The following AGPAT3 variants were observed in gnomAD, a reference collection of about 807,000 sequenced individuals.
AGPAT3 encodes the protein 1-acylglycerol-3-phosphate O-acyltransferase 3.
In AGPAT3, 5 loss-of-function variants were observed where a neutral mutation model predicts 47.3. The ratio of observed to expected loss-of-function variants is 0.11; its 90% CI spans 0.06 to 0.22. The LOEUF is 0.22. Ranked by LOEUF, AGPAT3 falls within the 10% of genes least tolerant of loss-of-function variation. The pLI, the probability that AGPAT3 is intolerant of heterozygous loss-of-function variation, is 1.00. For synonymous variants in AGPAT3, 212 were observed against 208.3 expected (o/e 1.02, Z -0.15); for missense variants, 315 against 493.0 (o/e 0.64, Z 3.42).
intron 2 of AGPAT3, among the ~76,000 whole-genome samples, chr21:43,951,467 A>G (rs2088189144): frequency 6.6e-6 from 1 of 152,144 alleles, no homozygotes; most frequent in East Asian, 1.9e-4. Context: ...GGGCAAAGGG[A>G]GAATTCCAGG....
intron 1 of AGPAT3, among the ~76,000 whole-genome samples, chr21:43,875,191 A>G (rs1396769986): frequency 1.3e-5 from 2 of 152,188 alleles, no homozygotes; most frequent in Non-Finnish European, 2.9e-5. Flanking sequence ...CATATTGGCC[A>G]GGCTGGTTTT....
intron 1 of AGPAT3, among the ~76,000 whole-genome samples, chr21:43,873,756 C>A (rs1358013666): frequency 6.6e-6 from 1 of 152,194 alleles, no homozygotes; most frequent in African/African-American, 2.4e-5. Flanking sequence ...CAGTAAATCA[C>A]CCTTTTCATT....
intron 2 of AGPAT3, among the ~76,000 whole-genome samples, chr21:43,909,334 C>T (rs1471854629): frequency 1.4e-5 from 2 of 145,862 alleles, no homozygotes; most frequent in African/African-American, 5.0e-5. Flanking sequence ...CTCACTCTGT[C>T]GCCCAGGCCG....
intron 7 of AGPAT3, among the ~76,000 whole-genome samples, chr21:43,975,963 A>C (rs1453887843): frequency 1.3e-5 from 2 of 148,956 alleles, no homozygotes; most frequent in African/African-American, 5.0e-5. Flanking sequence ...TGTGGGAGGC[A>C]GGGATGTGTG....
intron 1 of AGPAT3, among the ~76,000 whole-genome samples, chr21:43,893,942 G>A (rs1285293043): frequency 6.6e-6 from 1 of 152,152 alleles, no homozygotes; most frequent in Non-Finnish European, 1.5e-5. Flanking sequence ...TGACACAGAC[G>A]CCAGAAGTGA....
intron 1 of AGPAT3, among the ~76,000 whole-genome samples, chr21:43,873,314 A>T (rs745806297): frequency 6.6e-6 from 1 of 152,212 alleles, no homozygotes; most frequent in African/African-American, 2.4e-5. Flanking sequence ...GCGCCTCCGG[A>T]GGATAACGCT....
At chr21:43,874,265 A>G (rs1016898213) in intron 1 of AGPAT3, among the ~76,000 whole-genome samples, 8 of 152,126 alleles carry the variant, frequency 5.3e-5, no homozygotes, top group Admixed American at 5.2e-4. Context: ...ACCTCAGGCA[A>G]TCCGCCCACC....
intron 1 of AGPAT3, among the ~76,000 whole-genome samples, chr21:43,870,928 C>T (rs962292235): frequency 4.6e-5 from 7 of 152,154 alleles, no homozygotes; most frequent in Non-Finnish European, 1.0e-4. Flanking sequence ...CAGGGTCTGG[C>T]TCACCTGACC....
intron 5 of AGPAT3, among the ~76,000 whole-genome samples, chr21:43,969,721 G>A (rs527335765): frequency 4.5e-4 from 68 of 151,826 alleles, no homozygotes; most frequent in Admixed American, 8.5e-4. Context: ...TGTTTGAAAC[G>A]GAGTCTCGCT....
chr21:43,968,612 C>G (rs2089257417), intron 4 of AGPAT3, among the ~76,000 whole-genome samples: 1 of 152,006 alleles, frequency 6.6e-6, no homozygotes, highest in African/African-American at 2.4e-5. Context: ...TCTCTTTGAG[C>G]TCGGCAGTGG....
chr21:43,872,382 T>C (rs1251053590), intron 1 of AGPAT3, among the ~76,000 whole-genome samples: 1 of 152,164 alleles, frequency 6.6e-6, no homozygotes, highest in Non-Finnish European at 1.5e-5. Context: ...GGTTTCACCA[T>C]GTTGGCCAGG....
At chr21:43,884,617 G>T (rs1046343925) in intron 1 of AGPAT3, among the ~76,000 whole-genome samples, 1 of 142,790 alleles carries the variant, frequency 7.0e-6, no homozygotes, top group African/African-American at 2.5e-5. Flanking sequence ...ATGCTGGGGT[G>T]CCCTGGTGCT....
intron 1 of AGPAT3, among the ~76,000 whole-genome samples, chr21:43,887,321 A>C (rs935361184): frequency 3.3e-5 from 5 of 152,238 alleles, no homozygotes; most frequent in Non-Finnish European, 2.9e-5. Context: ...AGAAACAACC[A>C]AATGCAGCCT....
At chr21:43,865,489 A>C (rs1184613940) in intron 1 of AGPAT3, 144 bp downstream of exon 1, 4 of 145,316 alleles carry the variant, frequency 2.8e-5, no homozygotes, top group Non-Finnish European at 4.6e-5. Flanking sequence ...CCGCGCCGCA[A>C]TGGGCCGGCC....
intron 2 of AGPAT3, among the ~76,000 whole-genome samples, chr21:43,951,031 G>A (rs2088167793): frequency 6.6e-6 from 1 of 152,212 alleles, no homozygotes; most frequent in African/African-American, 2.4e-5. Context: ...GTTCCTGATG[G>A]TGGACTTTCT....
intron 1 of AGPAT3, among the ~76,000 whole-genome samples, chr21:43,869,997 A>G (rs988848871): frequency 1.3e-5 from 2 of 152,258 alleles, no homozygotes; most frequent in Non-Finnish European, 2.9e-5. Flanking sequence ...CTGCCACCAC[A>G]CGTGGCTAAG....
chr21:43,918,385 C>T (rs577115133), intron 2 of AGPAT3, among the ~76,000 whole-genome samples: 1 of 152,004 alleles, frequency 6.6e-6, no homozygotes, highest in African/African-American at 2.4e-5. Flanking sequence ...GTGAGCTTGC[C>T]CCATCGGCAG....
intron 1 of AGPAT3, among the ~76,000 whole-genome samples, chr21:43,903,424 AAC>A (rs1244717206): frequency 6.6e-6 from 1 of 152,226 alleles, no homozygotes; most frequent in Non-Finnish European, 1.5e-5. Context: ...ACCACAATGT[AAC>A]ACAAATGAGC....
chr21:43,869,058 C>T (rs1163974220), intron 1 of AGPAT3, among the ~76,000 whole-genome samples: 1 of 152,212 alleles, frequency 6.6e-6, no homozygotes, highest in African/African-American at 2.4e-5. Context: ...TTCATTTAAA[C>T]ACTTTTCACT....
Sources: gnomAD v4.1 joint callset for allele counts (sites outside exome capture counted in the v4.1 genomes callset) on GRCh38, gnomAD v4.1.1 for gene constraint, MANE v1.5 for transcripts, NCBI Gene and HGNC (gene_info 2026-07-23, HGNC 2026-07-21) for gene names.